CHL1: variants seen among roughly 807,000 people sequenced by gnomAD.
CHL1 encodes the protein cell adhesion molecule L1 like.
Under a neutral mutation model 141.9 loss-of-function variants are expected in CHL1, and 96 were observed. The observed-to-expected ratio is 0.68, with a 90% CI of 0.57 to 0.80. CHL1 has a LOEUF of 0.80. Among genes scored for constraint, CHL1 ranks in the 30% least tolerant of loss-of-function variants. CHL1 has a pLI of 0.00. For synonymous variants in CHL1, 613 were observed against 502.2 expected (o/e 1.22, Z -2.95); for missense variants, 1,820 against 1,457.2 (o/e 1.25, Z -4.05).
chr3:342,875 C>A, intron 7 of CHL1, 109 bp from the exon 8 acceptor site: 1 of 765,594 alleles, frequency 1.3e-6, no homozygotes, highest in Non-Finnish European at 2.1e-6. Context: ...AAGCATGGTT[C>A]TACATCATTT....
At chr3:285,999 T>C (rs1348044623) in intron 2 of CHL1, among the ~76,000 whole-genome samples, 1 of 152,194 alleles carries the variant, frequency 6.6e-6, no homozygotes, top group African/African-American at 2.4e-5. Flanking sequence ...TGAACATAAT[T>C]ACAGTAATGA....
chr3:252,656 C>A (rs1693814696), intron 2 of CHL1, among the ~76,000 whole-genome samples: 1 of 151,636 alleles, frequency 6.6e-6, no homozygotes, highest in South Asian at 2.1e-4. Flanking sequence ...CATTGCCTTA[C>A]TGATTTTCCA....
intron 23 of CHL1, among the ~76,000 whole-genome samples, chr3:393,386 G>T (rs1387912105): frequency 6.6e-6 from 1 of 151,936 alleles, no homozygotes; most frequent in African/African-American, 2.4e-5. Context: ...CAATTTGTTT[G>T]GTAAAGATAT....
At chr3:294,543 G>A (rs1698007604) in intron 2 of CHL1, among the ~76,000 whole-genome samples, 1 of 152,162 alleles carries the variant, frequency 6.6e-6, no homozygotes, top group South Asian at 2.1e-4. Context: ...AATGTGTGTT[G>A]TCTGAGAGAA....
chr3:297,338 C>A (rs1435343040), intron 2 of CHL1, among the ~76,000 whole-genome samples: 1 of 152,060 alleles, frequency 6.6e-6, no homozygotes, highest in Non-Finnish European at 1.5e-5. Flanking sequence ...GTCAGAAAAG[C>A]GTAATTTGTG....
chr3:233,839 C>T (rs1574798598), intron 1 of CHL1, among the ~76,000 whole-genome samples: 1 of 151,796 alleles, frequency 6.6e-6, no homozygotes, highest in Non-Finnish European at 1.5e-5. Flanking sequence ...AGGTTGTCAC[C>T]CAAATTTTAT....
chr3:339,838 C>A (rs1243222774), intron 5 of CHL1, among the ~76,000 whole-genome samples: 4 of 152,098 alleles, frequency 2.6e-5, no homozygotes, highest in Middle Eastern at 3.2e-3. Context: ...GGTTGTGAAT[C>A]ATAATTTAAG....
At chr3:336,359 GT>G (rs1160949118) in intron 5 of CHL1, among the ~76,000 whole-genome samples, 3 of 152,040 alleles carry the variant, frequency 2.0e-5, no homozygotes, top group Non-Finnish European at 4.4e-5. Flanking sequence ...AGATGCCAGT[GT>G]TTTTTGGTTT....
At chr3:202,350 G>C (rs1699028546) in intron 1 of CHL1, among the ~76,000 whole-genome samples, 1 of 152,224 alleles carries the variant, frequency 6.6e-6, no homozygotes, top group African/African-American at 2.4e-5. Context: ...GTGAATAACT[G>C]TGAGCCATGA....
intron 15 of CHL1, among the ~76,000 whole-genome samples, chr3:374,867 T>C (rs1038406160): frequency 2.0e-5 from 3 of 152,198 alleles, no homozygotes; most frequent in Non-Finnish European, 2.9e-5. Context: ...TCCTTATTAC[T>C]ATGCAGAAGA....
At chr3:304,456 G>A (rs911368465) in intron 2 of CHL1, among the ~76,000 whole-genome samples, 2 of 152,120 alleles carry the variant, frequency 1.3e-5, no homozygotes, top group African/African-American at 4.8e-5. Context: ...ACTTCTTCCT[G>A]GCTTAGACTT....
chr3:300,497 T>A (rs1347816248), intron 2 of CHL1, among the ~76,000 whole-genome samples: 1 of 152,198 alleles, frequency 6.6e-6, no homozygotes, highest in Non-Finnish European at 1.5e-5. Flanking sequence ...GGTTAAGCTA[T>A]AATTTTTACT....
chr3:290,881 A>G (rs567363442), intron 2 of CHL1, among the ~76,000 whole-genome samples: 12 of 151,386 alleles, frequency 7.9e-5, no homozygotes, highest in African/African-American at 2.7e-4. Flanking sequence ...GGTTGTGGTG[A>G]GCAGAGAATG....
chr3:275,283 T>A (rs1695988162), intron 2 of CHL1, among the ~76,000 whole-genome samples: 1 of 152,240 alleles, frequency 6.6e-6, no homozygotes, highest in African/African-American at 2.4e-5. Flanking sequence ...TACTTTAAAA[T>A]AATTTATTTA....
intron 16 of CHL1, among the ~76,000 whole-genome samples, chr3:379,681 T>C (rs1319910201): frequency 2.0e-5 from 3 of 152,206 alleles, no homozygotes; most frequent in African/African-American, 7.2e-5. Context: ...AACTATTAAT[T>C]TTTTTAATTC....
At chr3:366,684 CAAAAAA>C (rs1167579521) in intron 15 of CHL1, among the ~76,000 whole-genome samples, 1 of 86,530 alleles carries the variant, frequency 1.2e-5, no homozygotes, top group Non-Finnish European at 2.6e-5. Flanking sequence ...TGGATGGTTG[CAAAAAA>C]AAAAAAAAAA....
chr3:373,133 G>A (rs1243565102), intron 15 of CHL1, among the ~76,000 whole-genome samples: 1 of 152,222 alleles, frequency 6.6e-6, no homozygotes, highest in African/African-American at 2.4e-5. Context: ...TCCCTTGGTG[G>A]AGGGGATGTG....
intron 1 of CHL1, chr3:198,003 C>T: frequency 2.8e-6 from 1 of 353,624 alleles, no homozygotes; most frequent in Non-Finnish European, 5.6e-6. Flanking sequence ...TCCGGGCTCG[C>T]TGCGAGCCAC....
chr3:306,568 G>T (rs973772346), intron 2 of CHL1, among the ~76,000 whole-genome samples: 2 of 152,084 alleles, frequency 1.3e-5, no homozygotes, highest in African/African-American at 4.8e-5. Flanking sequence ...GTGAACTACA[G>T]ATTTTAGAGG....
Sources: allele counts gnomAD v4.1 joint callset (sites outside exome capture counted in the v4.1 genomes callset), GRCh38; gene constraint gnomAD v4.1.1; transcripts MANE v1.5; gene names NCBI Gene and HGNC (gene_info 2026-07-23, HGNC 2026-07-21).